ASH1L: variants seen among roughly 807,000 people sequenced by gnomAD.
ASH1L encodes the protein ASH1 like histone lysine methyltransferase, also known as histone-lysine N-methyltransferase ASH1L.
In ASH1L, 23 loss-of-function variants were observed where a neutral mutation model predicts 269.0. The observed-to-expected ratio is 0.09, with a 90% CI of 0.06 to 0.12. The LOEUF (loss-of-function observed/expected upper bound fraction) is 0.12. ASH1L is among the 10% of genes least tolerant of loss of function. The pLI is 1.00. For missense variants in ASH1L, 2,912 were observed against 3,567.8 expected, an observed-to-expected ratio of 0.82 and a Z score of 4.68; for synonymous variants, 1,187 against 1,253.5, an observed-to-expected ratio of 0.95 and a Z score of 1.12.
intron 4 of ASH1L, among the ~76,000 whole-genome samples, chr1:155,459,449 G>C (rs551807486): frequency 6.6e-6 from 1 of 152,308 alleles, no homozygotes; most frequent in South Asian, 2.1e-4. Flanking sequence ...ACCCACCTCA[G>C]CCTCCCAAAG....
chr1:155,477,123 G>C (rs1665614469), intron 3 of ASH1L, among the ~76,000 whole-genome samples: 1 of 152,066 alleles, frequency 6.6e-6, no homozygotes, highest in Non-Finnish European at 1.5e-5. Flanking sequence ...AAACTCTTAG[G>C]CTTAAGATCT....
intron 1 of ASH1L, among the ~76,000 whole-genome samples, chr1:155,545,003 T>C (rs1670692856): frequency 6.6e-6 from 1 of 150,544 alleles, no homozygotes; most frequent in East Asian, 2.0e-4. Flanking sequence ...AGAAACCCCG[T>C]CTCTACTAAA....
At chr1:155,433,379 T>G in intron 5 of ASH1L, 1 of 1,602,206 alleles carries the variant, frequency 6.2e-7, no homozygotes, top group Middle Eastern at 1.7e-4. Flanking sequence ...CCCCCCGCTG[T>G]ATGAGTTCTG....
intron 3 of ASH1L, among the ~76,000 whole-genome samples, chr1:155,473,470 C>G (rs1023903879): frequency 2.6e-5 from 4 of 151,470 alleles, no homozygotes; most frequent in Non-Finnish European, 5.9e-5. Flanking sequence ...AGGTTAATGC[C>G]TATATTTATT....
In ASH1L at chr1:155,480,751, T is replaced by G; in HGVS notation, c.2119A>C (p.Lys707Gln). Residue 707 changes from lysine (K) to glutamine (Q), a missense_variant, in exon 3 of 28, where the codon AAA becomes CAA. This residue lies in a region of ASH1L where 715 missense variants were observed against 721.0 expected (regional missense o/e 0.99). Transcript: ENST00000392403. The part of the protein sequence containing the change: ...AESLSTSLQS[K>Q]PLKKRKGRKP... ...CTTCCTTTTCTTTTTTTTAATGGTT[T>G]GGACTGCAAACTAGTACTTAGGCTT... 2.5e-6 allele frequency: 4 copies of G among 1,613,968 alleles called. No individual in the cohort carries two copies. Among genetic ancestry groups the G allele is most frequent in the Non-Finnish European group, 3.4e-6 (4 of 1,179,990 alleles).
chr1:155,476,937 C>T (rs952907726), intron 3 of ASH1L, among the ~76,000 whole-genome samples: 1 of 151,944 alleles, frequency 6.6e-6, no homozygotes, highest in Non-Finnish European at 1.5e-5. Context: ...TTTCATAATA[C>T]CCCTACAAAT....
rs150242851 is a variant in ASH1L at position 155,528,144 on chromosome 1, AATAG to A, written c.-99-6530_-99-6527del. Among the ~76,000 whole-genome samples the A allele has an allele frequency of 5.8e-4, 88 of 152,354 alleles. 1 individual carries two copies. In the East Asian group the frequency reaches 0.015, roughly 25 times the overall value. The stretch of plus-strand genomic sequence containing the variant: ...ACTTGACATACTGACTGGATTGTGT[AATAG>A]ATAGGCACTTAACATGTTTAAAATC... On this transcript the variant is annotated intron_variant, in intron 1 of 27. Coordinates refer to ENST00000392403, the MANE Select transcript of ASH1L (RefSeq NM_018489.3).
intron 1 of ASH1L, among the ~76,000 whole-genome samples, chr1:155,549,156 A>G (rs1239622884): frequency 6.6e-6 from 1 of 152,186 alleles, no homozygotes; most frequent in African/African-American, 2.4e-5. Context: ...GAACCTGGGC[A>G]ATAAAGCATG....
chr1:155,492,788 TACA>T (rs1260229707), intron 2 of ASH1L, among the ~76,000 whole-genome samples: 1 of 152,064 alleles, frequency 6.6e-6, no homozygotes, highest in Admixed American at 6.6e-5. Flanking sequence ...CTATTTTATT[TACA>T]ACATTACTGA....
rs1179041090 is a variant in ASH1L, at chr1:155,343,146, AC to A, written c.8293+167del. The A allele has an allele frequency of 1.1e-5, 7 of 657,618 alleles. No homozygotes were observed. Among genetic ancestry groups the A allele is most frequent in the Admixed American group, 3.1e-5 (1 of 32,060 alleles). The allele number at this position is 657,618 out of a possible 1,614,324, so 40.7% of individuals were successfully genotyped here. A position where few individuals can be genotyped will look rare whatever the true frequency, so the allele number is the denominator to read the frequency against. On this transcript the variant is annotated intron_variant, in intron 24 of 27. Transcript: ENST00000392403. The surrounding 1 kb of genome is among the most constrained non-coding windows in gnomAD (Gnocchi z 6.1). ...CCAGTAGTTGGGACTACAGGCCTAC[AC>A]TGCCATGCCCAGCTACAGAGGCAGA...
chr1:155,349,709 CTTTTTTTTTTTTTT>C (rs993462774), intron 17 of ASH1L, 113 bp from the exon 18 acceptor site: 37 of 299,404 alleles, frequency 1.2e-4, no homozygotes, highest in Non-Finnish European at 1.5e-4. Context: ...AAATCCAAGT[CTTTTTTTTTTTTTT>C]TTTTTTTTTT....
chr1:155,386,728 T>C (rs1657463702), intron 7 of ASH1L, among the ~76,000 whole-genome samples: 1 of 152,070 alleles, frequency 6.6e-6, no homozygotes, highest in Non-Finnish European at 1.5e-5. Context: ...TTCTTGTATA[T>C]TTAAGTTCCT....
At chr1:155,418,178 ATCAT>A (rs1660373680) in intron 5 of ASH1L, among the ~76,000 whole-genome samples, 1 of 152,162 alleles carries the variant, frequency 6.6e-6, no homozygotes, top group African/African-American at 2.4e-5. Flanking sequence ...AGGGGAAAAA[ATCAT>A]TCAGTAGAAA....
intron 7 of ASH1L, among the ~76,000 whole-genome samples, chr1:155,384,632 A>C (rs1657265994): frequency 1.3e-5 from 2 of 152,012 alleles, no homozygotes; most frequent in African/African-American, 4.8e-5. Context: ...CAAACTTCTG[A>C]GCTCAAGCAA....
At chr1:155,363,474 G>A (rs1655144205) in intron 12 of ASH1L, among the ~76,000 whole-genome samples, 1 of 151,356 alleles carries the variant, frequency 6.6e-6, no homozygotes, top group Admixed American at 6.6e-5. Flanking sequence ...AAACTCCTGA[G>A]CTCAGATGAT....
At chr1:155,378,259 A>G (rs919454800) in intron 10 of ASH1L, 22 bp downstream of exon 10, 4 of 1,566,930 alleles carry the variant, frequency 2.6e-6, no homozygotes, top group Non-Finnish European at 3.5e-6. Context: ...TATGCTTTAG[A>G]GAAATCAAAG....
intron 13 of ASH1L, among the ~76,000 whole-genome samples, chr1:155,359,969 C>T (rs753352847): frequency 1.3e-5 from 2 of 151,656 alleles, no homozygotes; most frequent in East Asian, 1.9e-4. Flanking sequence ...CTCAACGTAA[C>T]GCAACCTCCG....
Position 155,339,388 on chromosome 1 carries a change from G to A in ASH1L, c.8461-20C>T, listed in dbSNP as rs1558010088. 6.2e-7 allele frequency: 1 copy of A among 1,613,162 alleles called. No homozygotes were observed. The highest frequency in any genetic ancestry group is 1.1e-5 in the South Asian group (1 of 91,058). On this transcript the variant is annotated intron_variant, in intron 25 of 27. Transcript: ENST00000392403. ...ATGAGGCTGCAGAGAAGAAAAGGAA[G>A]AGGTAAGCATATTGTAGAAGCTGGG... is the stretch of plus-strand genomic sequence containing the variant.
At chr1:155,365,840 A>T (rs1263806352) in intron 12 of ASH1L, among the ~76,000 whole-genome samples, 2 of 152,148 alleles carry the variant, frequency 1.3e-5, no homozygotes, top group African/African-American at 4.8e-5. Flanking sequence ...TTTCTGACTG[A>T]TCTCTTCTCT....
Sources: allele counts gnomAD v4.1 joint callset (sites outside exome capture counted in the v4.1 genomes callset), GRCh38; gene constraint gnomAD v4.1.1; regional missense constraint gnomAD v4.1.1; non-coding constraint Gnocchi (gnomAD v3.1); transcripts MANE v1.5; gene names NCBI Gene and HGNC (gene_info 2026-07-23, HGNC 2026-07-21).